WWOX: variants seen among roughly 807,000 people sequenced by gnomAD.
WWOX encodes the protein WW domain containing oxidoreductase.
A neutral mutation model predicts 46.2 loss-of-function variants in WWOX; 69 were observed. That is an observed-to-expected ratio of 1.49 (90% CI 1.23 to 1.82). The LOEUF (loss-of-function observed/expected upper bound fraction) is 1.82. Among genes scored for constraint, WWOX ranks in the 40% most tolerant of loss-of-function variants. The pLI is 0.00. For missense variants in WWOX, 919 were observed against 542.6 expected, an observed-to-expected ratio of 1.69 and a Z score of -6.89; for synonymous variants, 359 against 202.6, an observed-to-expected ratio of 1.77 and a Z score of -6.56.
Position 79,143,162 on chromosome 16 carries a change from A to G in WWOX, c.1057-68446A>G, listed in dbSNP as rs2050122072. 2.0e-5 allele frequency among the ~76,000 whole-genome samples: 3 copies of G among 152,226 alleles called. No homozygotes were observed. The South Asian group carries it at 6.2e-4, about 32-fold the overall frequency. On this transcript the variant is annotated intron_variant, in intron 8 of 8. Transcript: ENST00000566780. ...TCTGGTCTTCCAAATTTAATGCCTC[A>G]TTCCAGGTAGCTGCAGATTTTATAG... is the stretch of plus-strand genomic sequence containing the variant.
intron 8 of WWOX, among the ~76,000 whole-genome samples, chr16:78,698,802 G>C (rs1479725568): frequency 6.6e-6 from 1 of 152,108 alleles, no homozygotes; most frequent in Non-Finnish European, 1.5e-5. Context: ...GACTATACCT[G>C]TGACTAGCCA....
rs551798766 is a variant in WWOX at position 78,662,805 on chromosome 16, C to T, written c.1056+230053C>T. Among the ~76,000 whole-genome samples the T allele has an allele frequency of 6.6e-5, 10 of 152,152 alleles. No individual in the cohort carries two copies. The South Asian group carries it at 2.1e-3, about 32-fold the overall frequency. ...ATGTAGTGTTTTGGTGGTTCCTGGG[C>T]TCTGGGACTCAGCTTTTTGGCTGTT... On this transcript the variant is annotated intron_variant, in intron 8 of 8. Coordinates refer to ENST00000566780, the MANE Select transcript of WWOX (RefSeq NM_016373.4).
At chr16:78,710,107 G>C (rs1400520688) in intron 8 of WWOX, among the ~76,000 whole-genome samples, 1 of 151,908 alleles carries the variant, frequency 6.6e-6, no homozygotes. Context: ...CTTTTTGCTG[G>C]CAGTGACATA....
chr16:78,707,380 G>A (rs150850220), intron 8 of WWOX, among the ~76,000 whole-genome samples: 1 of 152,186 alleles, frequency 6.6e-6, no homozygotes, highest in African/African-American at 2.4e-5. Context: ...ATGCGTCCTT[G>A]TCTGTGCCAC....
At chr16:78,392,038 A>G (rs575651771) in intron 6 of WWOX, among the ~76,000 whole-genome samples, 139 of 148,268 alleles carry the variant, frequency 9.4e-4, no homozygotes, top group African/African-American at 3.1e-3. Context: ...AATGCAACAG[A>G]TTTAAGGGAC....
chr16:79,212,180 C>CA lies in WWOX; in HGVS notation c.*384_*385insA. The CA allele has an allele frequency of 1.4e-6, 2 of 1,479,036 alleles. No homozygotes were observed. The highest frequency in any genetic ancestry group is 1.8e-6 in the Non-Finnish European group (2 of 1,121,898). The allele number at this position is 1,479,036 out of a possible 1,614,324, so 91.6% of individuals were successfully genotyped here. On this transcript the variant is annotated 3_prime_UTR_variant, in exon 9 of 9. Transcript: ENST00000566780. ...CTACCACCACGGCCACCACTGCAGC[C>CA]GGGGGCTGGCCTTCTCCTACTTAGG...
At chr16:78,788,374 C>A (rs946691656) in intron 8 of WWOX, among the ~76,000 whole-genome samples, 20 of 152,334 alleles carry the variant, frequency 1.3e-4, no homozygotes, top group African/African-American at 4.6e-4. Flanking sequence ...GTCCTTCTTT[C>A]ACCTGCCCCA....
At chr16:78,537,033 C>T (rs1373485265) in intron 8 of WWOX, among the ~76,000 whole-genome samples, 3 of 151,670 alleles carry the variant, frequency 2.0e-5, no homozygotes, top group East Asian at 2.0e-4. Context: ...TATCAGGCCT[C>T]AACGTCCTGA....
intron 8 of WWOX, among the ~76,000 whole-genome samples, chr16:78,689,902 C>T (rs966714574): frequency 1.8e-4 from 28 of 151,980 alleles, no homozygotes; most frequent in Admixed American, 1.8e-3. Context: ...ACTCTGTTGC[C>T]CAGGCTGCAG....
At chr16:78,633,858 A>G (rs761951256) in intron 8 of WWOX, among the ~76,000 whole-genome samples, 6 of 150,440 alleles carry the variant, frequency 4.0e-5, no homozygotes, top group South Asian at 2.1e-4. Flanking sequence ...ACTCACATGT[A>G]GGTCACCTAC....
chr16:78,633,546 C>G (rs1393276130), intron 8 of WWOX, among the ~76,000 whole-genome samples: 1 of 152,222 alleles, frequency 6.6e-6, no homozygotes, highest in Non-Finnish European at 1.5e-5. Context: ...GGTTTCCAAC[C>G]TTTCACTGTG....
intron 8 of WWOX, among the ~76,000 whole-genome samples, chr16:78,755,138 C>T (rs984687558): frequency 6.7e-6 from 1 of 150,142 alleles, no homozygotes; most frequent in Non-Finnish European, 1.5e-5. Flanking sequence ...ATAGGTGCAG[C>T]AAACCACCAT....
chr16:78,948,035 G>C (rs963649045), intron 8 of WWOX, among the ~76,000 whole-genome samples: 4 of 152,218 alleles, frequency 2.6e-5, no homozygotes, highest in African/African-American at 9.7e-5. Flanking sequence ...AGGCCTGAAG[G>C]GCTGGTGGAG....
chr16:78,861,562 A>C (rs2043886361), intron 8 of WWOX, among the ~76,000 whole-genome samples: 1 of 152,224 alleles, frequency 6.6e-6, no homozygotes, highest in African/African-American at 2.4e-5. Flanking sequence ...AGACATTTTG[A>C]GTAACTAAAA....
At chr16:78,618,894 T>C (rs1386935619) in intron 8 of WWOX, among the ~76,000 whole-genome samples, 1 of 151,190 alleles carries the variant, frequency 6.6e-6, no homozygotes, top group Non-Finnish European at 1.5e-5. Flanking sequence ...ATGGATCTTC[T>C]CCAAGTAGGA....
intron 8 of WWOX, among the ~76,000 whole-genome samples, chr16:78,446,454 C>A (rs1021022294): frequency 2.0e-5 from 3 of 152,060 alleles, no homozygotes; most frequent in African/African-American, 7.2e-5. Context: ...ATCAGGAAGG[C>A]CTGGAAAGAC....
intron 8 of WWOX, among the ~76,000 whole-genome samples, chr16:78,503,013 T>C (rs1597176786): frequency 6.6e-6 from 1 of 152,328 alleles, no homozygotes; most frequent in East Asian, 1.9e-4. Flanking sequence ...TTTGTATGAT[T>C]AATGAGTCCA....
chr16:78,375,181 A>G (rs561682895), intron 5 of WWOX, among the ~76,000 whole-genome samples: 1 of 152,366 alleles, frequency 6.6e-6, no homozygotes, highest in South Asian at 2.1e-4. Flanking sequence ...TAAAGTAAAA[A>G]TAACCGTCGT....
chr16:79,019,874 C>T (rs185451644), intron 8 of WWOX, among the ~76,000 whole-genome samples: 7 of 152,268 alleles, frequency 4.6e-5, no homozygotes, highest in East Asian at 1.9e-4. Flanking sequence ...AGCAACCCCT[C>T]GGATCCTCAA....
Sources: allele counts gnomAD v4.1 joint callset (sites outside exome capture counted in the v4.1 genomes callset), GRCh38; gene constraint gnomAD v4.1.1; transcripts MANE v1.5; gene names NCBI Gene and HGNC (gene_info 2026-07-23, HGNC 2026-07-21).